Variants in SAMMSON observed in about 807,000 individuals in gnomAD.
SAMMSON encodes the protein survival associated mitochondrial melanoma specific oncogenic non-coding RNA.
chr3:70,328,019 A>G (rs992071930), intron 7 of SAMMSON, among the ~76,000 whole-genome samples: 1 of 152,212 alleles, frequency 6.6e-6, no homozygotes, highest in Non-Finnish European at 1.5e-5. Context: ...AGGCCTCACA[A>G]TTGTGGTGGA....
At chr3:70,043,225 GA>G (rs1372490350) in intron 3 of SAMMSON, among the ~76,000 whole-genome samples, 2 of 152,028 alleles carry the variant, frequency 1.3e-5, no homozygotes, top group Non-Finnish European at 2.9e-5. Context: ...TGATAAAACC[GA>G]AAGCATCCTT....
intron 4 of SAMMSON, among the ~76,000 whole-genome samples, chr3:70,202,827 G>T (rs1473031579): frequency 1.3e-5 from 2 of 152,044 alleles, no homozygotes; most frequent in Non-Finnish European, 2.9e-5. Flanking sequence ...GTACAACTGG[G>T]GACTGGCTAA....
intron 4 of SAMMSON, among the ~76,000 whole-genome samples, chr3:70,237,919 A>G (rs1391511225): frequency 7.0e-6 from 1 of 143,202 alleles, no homozygotes; most frequent in Non-Finnish European, 1.5e-5. Context: ...CTCCAAGAGG[A>G]TTTAGAATTG....
chr3:70,199,282 C>T (rs1410312601), intron 4 of SAMMSON, among the ~76,000 whole-genome samples: 1 of 152,148 alleles, frequency 6.6e-6, no homozygotes, highest in Non-Finnish European at 1.5e-5. Flanking sequence ...TGAGAGTGTA[C>T]AACCTTTTGG....
At position 70,238,448 on chromosome 3, in the gene SAMMSON, A is replaced by C. The variant is rs1289958711; in HGVS notation, n.508-10659A>C. The stretch of plus-strand genomic sequence containing the variant: ...CATGTAGAAATCCCATCTCTACAAA[A>C]TAAATAAATAAATAATTAGCCAGGT... On this transcript the variant is annotated intron_variant and non_coding_transcript_variant, in intron 4 of 9. Transcript: ENST00000642114. Among the ~76,000 whole-genome samples the C allele has an allele frequency of 2.0e-5, 3 of 151,928 alleles. No homozygotes were observed. The East Asian group carries it at 5.8e-4, about 29-fold the overall frequency.
At chr3:70,213,149 T>A (rs915386822) in intron 4 of SAMMSON, among the ~76,000 whole-genome samples, 9 of 152,104 alleles carry the variant, frequency 5.9e-5, no homozygotes, top group African/African-American at 1.4e-4. Flanking sequence ...TATTTTGTTT[T>A]TCTTTATAGA....
chr3:70,115,540 T>C (rs1559517465), intron 4 of SAMMSON, among the ~76,000 whole-genome samples: 1 of 152,068 alleles, frequency 6.6e-6, no homozygotes. Flanking sequence ...GTTTAGAGAG[T>C]CAGAGATACT....
intron 6 of SAMMSON, among the ~76,000 whole-genome samples, chr3:70,278,793 A>G (rs1312963845): frequency 6.6e-6 from 1 of 152,106 alleles, no homozygotes; most frequent in African/African-American, 2.4e-5. Context: ...AAAGTCACTT[A>G]TGTTTCCTAT....
chr3:70,218,220 C>T (rs190819032), intron 4 of SAMMSON, among the ~76,000 whole-genome samples: 29 of 152,238 alleles, frequency 1.9e-4, no homozygotes, highest in Non-Finnish European at 2.9e-4. Context: ...GGTTAAAACA[C>T]TTATTTCTAT....
chr3:70,218,455 G>A (rs574451755), intron 4 of SAMMSON, among the ~76,000 whole-genome samples: 2 of 152,174 alleles, frequency 1.3e-5, no homozygotes, highest in Non-Finnish European at 2.9e-5. Flanking sequence ...ATAGACTGAG[G>A]TCAGTACTCT....
At chr3:70,121,252 T>C (rs138276484) in intron 4 of SAMMSON, among the ~76,000 whole-genome samples, 27 of 152,320 alleles carry the variant, frequency 1.8e-4, no homozygotes, top group African/African-American at 5.5e-4. Flanking sequence ...CACCTCCTGC[T>C]GTGCAGCCCT....
chr3:70,076,331 CCTT>C (rs1202078874), intron 4 of SAMMSON, among the ~76,000 whole-genome samples: 2 of 152,070 alleles, frequency 1.3e-5, no homozygotes, highest in African/African-American at 2.4e-5. Flanking sequence ...GTTCAAAACT[CCTT>C]CTATTTGGGA....
chr3:70,208,148 A>G (rs1264549775), intron 4 of SAMMSON, among the ~76,000 whole-genome samples: 3 of 152,088 alleles, frequency 2.0e-5, no homozygotes, highest in Non-Finnish European at 4.4e-5. Flanking sequence ...ATGCCCAGGA[A>G]CAACTTAAAA....
At chr3:70,323,879 C>G (rs1240516273) in intron 7 of SAMMSON, among the ~76,000 whole-genome samples, 2 of 152,060 alleles carry the variant, frequency 1.3e-5, no homozygotes, top group African/African-American at 4.8e-5. Flanking sequence ...TGAAGGGCAC[C>G]AGCTTCTCCT....
intron 9 of SAMMSON, among the ~76,000 whole-genome samples, chr3:70,362,617 A>G (rs541402390): frequency 3.3e-5 from 5 of 152,166 alleles, no homozygotes; most frequent in African/African-American, 1.2e-4. Flanking sequence ...AAAGACCTAC[A>G]AAGTACTTTT....
At position 70,193,698 on chromosome 3, in the gene SAMMSON, T is replaced by C. The variant is rs140613119; in HGVS notation, n.508-55409T>C. Among the ~76,000 whole-genome samples the C allele has an allele frequency of 4.5e-4, 69 of 152,324 alleles. 1 individual carries two copies. In the East Asian group the frequency reaches 9.4e-3, roughly 21 times the overall value. ...ATATTTTATCAGAGTCTATAGTTTGTGTGGACTGAGGGAACTTAGTATTTG... is the reference window on the plus strand; with the variant it reads ...ATATTTTATCAGAGTCTATAGTTTGCGTGGACTGAGGGAACTTAGTATTTG... On this transcript the variant is annotated intron_variant and non_coding_transcript_variant, in intron 4 of 9. Coordinates refer to ENST00000642114, the Ensembl canonical transcript of SAMMSON.
chr3:70,125,462 G>A (rs1056254502), intron 4 of SAMMSON: 11 of 809,226 alleles, frequency 1.4e-5, no homozygotes, highest in African/African-American at 5.2e-5. Context: ...AATACATTCC[G>A]ATGGCATTTC....
chr3:70,105,381 T>A (rs2067363492), intron 4 of SAMMSON, among the ~76,000 whole-genome samples: 1 of 152,180 alleles, frequency 6.6e-6, no homozygotes, highest in African/African-American at 2.4e-5. Flanking sequence ...AGCTGGAGTT[T>A]ATATATCAGT....
intron 4 of SAMMSON, among the ~76,000 whole-genome samples, chr3:70,136,850 T>C (rs2067507970): frequency 6.6e-6 from 1 of 152,264 alleles, no homozygotes; most frequent in South Asian, 2.1e-4. Context: ...AGTTTTGATC[T>C]AAGTTTTTCT....
Sources: allele counts gnomAD v4.1 joint callset (sites outside exome capture counted in the v4.1 genomes callset), GRCh38; gene constraint gnomAD v4.1.1; transcripts MANE v1.5; gene names NCBI Gene and HGNC (gene_info 2026-07-23, HGNC 2026-07-21).